Variants in DAB1 observed in about 807,000 individuals in gnomAD.
DAB1 encodes the protein disabled homolog 1.
A neutral mutation model predicts 64.6 loss-of-function variants in DAB1; 15 were observed. The ratio of observed to expected loss-of-function variants is 0.23; its 90% CI spans 0.16 to 0.36. DAB1 has a LOEUF of 0.36. DAB1 is among the 10% of genes least tolerant of loss of function. DAB1 has a pLI of 1.00. For missense variants in DAB1, 596 were observed against 706.7 expected, an observed-to-expected ratio of 0.84 and a Z score of 1.78; for synonymous variants, 235 against 251.9, an observed-to-expected ratio of 0.93 and a Z score of 0.64.
At chr1:57,751,378 A>C (rs1648542063) in intron 6 of DAB1, among the ~76,000 whole-genome samples, 1 of 152,094 alleles carries the variant, frequency 6.6e-6, no homozygotes, top group Non-Finnish European at 1.5e-5. Flanking sequence ...GCAGGTCCTG[A>C]GACACTGGTG....
chr1:58,251,900 A>C (rs1660808825), intron 4 of DAB1, among the ~76,000 whole-genome samples: 1 of 152,146 alleles, frequency 6.6e-6, no homozygotes, highest in Non-Finnish European at 1.5e-5. Context: ...GCTGAATAAA[A>C]GTCCCTTTCA....
At chr1:58,487,027 A>G (rs570018616) in intron 3 of DAB1, among the ~76,000 whole-genome samples, 67 of 152,340 alleles carry the variant, frequency 4.4e-4, no homozygotes, top group African/African-American at 5.1e-4. Flanking sequence ...AACCAAGGAA[A>G]GGACATTACA....
intron 1 of DAB1, among the ~76,000 whole-genome samples, chr1:57,368,449 C>T (rs555844008): frequency 6.6e-6 from 1 of 152,218 alleles, no homozygotes; most frequent in South Asian, 2.1e-4. Context: ...CAATTGGCAC[C>T]CACTTCTCTC....
intron 6 of DAB1, among the ~76,000 whole-genome samples, chr1:57,660,365 T>C (rs566802631): frequency 5.3e-5 from 8 of 152,314 alleles, no homozygotes; most frequent in African/African-American, 1.9e-4. Flanking sequence ...CACCAAGCTG[T>C]GTCTGATCAG....
intron 2 of DAB1, among the ~76,000 whole-genome samples, chr1:57,290,246 A>C (rs1039826117): frequency 6.6e-6 from 1 of 151,400 alleles, no homozygotes; most frequent in African/African-American, 2.4e-5. Context: ...GAGTCAGTTC[A>C]GGAAAAAAAA....
At chr1:58,454,651 C>T (rs1424443562) in intron 3 of DAB1, among the ~76,000 whole-genome samples, 2 of 152,166 alleles carry the variant, frequency 1.3e-5, no homozygotes, top group Non-Finnish European at 2.9e-5. Flanking sequence ...CTGCTCCCCA[C>T]CACCTGGGGA....
At chr1:57,773,895 G>A (rs1649676399) in intron 6 of DAB1, among the ~76,000 whole-genome samples, 1 of 151,972 alleles carries the variant, frequency 6.6e-6, no homozygotes, top group African/African-American at 2.4e-5. Flanking sequence ...CGTTGTTACT[G>A]TAGTTTTATG....
intron 7 of DAB1, among the ~76,000 whole-genome samples, chr1:57,513,347 C>T (rs931603836): frequency 6.6e-6 from 1 of 152,082 alleles, no homozygotes; most frequent in Admixed American, 6.5e-5. Context: ...GATGTCATTT[C>T]CTTAATGAGG....
At chr1:57,305,947 C>A (rs1437190524) in intron 1 of DAB1, among the ~76,000 whole-genome samples, 5 of 134,608 alleles carry the variant, frequency 3.7e-5, no homozygotes, top group African/African-American at 1.5e-4. Context: ...CCAGCCTGGG[C>A]GACAGAGCAA....
At chr1:57,845,970 G>A (rs1373757611) in intron 1 of DAB1, among the ~76,000 whole-genome samples, 1 of 152,078 alleles carries the variant, frequency 6.6e-6, no homozygotes, top group Non-Finnish European at 1.5e-5. Flanking sequence ...ATGGGCCTTT[G>A]CAAGGAAGGC....
intron 6 of DAB1, among the ~76,000 whole-genome samples, chr1:57,693,905 G>C (rs1646794278): frequency 6.6e-6 from 1 of 152,158 alleles, no homozygotes; most frequent in Non-Finnish European, 1.5e-5. Context: ...GACACACTAT[G>C]AGTGGTCTTT....
At chr1:58,517,996 G>A (rs1646184026) in intron 2 of DAB1, among the ~76,000 whole-genome samples, 1 of 151,316 alleles carries the variant, frequency 6.6e-6, no homozygotes, top group African/African-American at 2.4e-5. Flanking sequence ...AGACCAGCCT[G>A]CCCAACATGG....
chr1:58,397,685 G>A (rs537396746), intron 3 of DAB1, among the ~76,000 whole-genome samples: 20 of 152,186 alleles, frequency 1.3e-4, no homozygotes, highest in South Asian at 8.3e-4. Flanking sequence ...CCTTCTGCTG[G>A]GTGTCTGAAT....
chr1:57,145,194 A>G lies in DAB1; in HGVS notation c.207+96T>C, dbSNP rs1468928897. 4 of 1,260,624 alleles carry G rather than the reference A, an allele frequency of 3.2e-6. No homozygotes were observed. In the Admixed American group the frequency reaches 6.1e-5, roughly 19 times the overall value. The allele number at this position is 1,260,624 out of a possible 1,614,324, so 78.1% of individuals were successfully genotyped here. ...ACAGTAAGCCAAGTAATTTACCAAT[A>G]AATGAATAAAGTTATTTACAATTAT... On this transcript the variant is annotated intron_variant, in intron 3 of 14. Transcript: ENST00000371236.
intron 7 of DAB1, among the ~76,000 whole-genome samples, chr1:57,641,541 G>A (rs766527679): frequency 2.6e-5 from 4 of 151,684 alleles, no homozygotes; most frequent in African/African-American, 4.8e-5. Context: ...CCGCCACTAC[G>A]CCTGGCTAAT....
intron 1 of DAB1, among the ~76,000 whole-genome samples, chr1:57,411,387 T>C (rs1447045735): frequency 6.6e-6 from 1 of 152,228 alleles, no homozygotes; most frequent in Non-Finnish European, 1.5e-5. Flanking sequence ...TAACATTCAC[T>C]GACCTAAGAT....
chr1:57,442,391 C>T (rs1685989825), intron 7 of DAB1, among the ~76,000 whole-genome samples: 1 of 152,148 alleles, frequency 6.6e-6, no homozygotes, highest in African/African-American at 2.4e-5. Context: ...ATAACAAGCA[C>T]ACCATATTCC....
At position 57,424,056 on chromosome 1, in the gene DAB1, G is replaced by T. The variant is rs1272324387; in HGVS notation, c.-263C>A. The T allele has an allele frequency of 6.6e-6, 1 of 152,328 alleles. No individual in the cohort carries two copies. Among genetic ancestry groups the T allele is most frequent in the Non-Finnish European group, 1.5e-5 (1 of 67,852 alleles). The allele number at this position is 152,328 out of a possible 1,614,324, so 9.4% of individuals were successfully genotyped here. On this transcript the variant is annotated 5_prime_UTR_variant, in exon 1 of 15. Coordinates refer to ENST00000371236, the MANE Select transcript of DAB1 (RefSeq NM_001365792.1). ...GGAAGCCCGGGCGAGCGCCGAGCTGGGTCCATCCTCCCCGGGAGCCACCGG... is the reference window on the plus strand; with the variant it reads ...GGAAGCCCGGGCGAGCGCCGAGCTGTGTCCATCCTCCCCGGGAGCCACCGG...
chr1:58,308,712 G>T (rs1662361958), intron 4 of DAB1, among the ~76,000 whole-genome samples: 1 of 152,122 alleles, frequency 6.6e-6, no homozygotes, highest in Non-Finnish European at 1.5e-5. Context: ...CTGCTAGCTA[G>T]CTTGGACCAA....
Sources: gnomAD v4.1 joint callset for allele counts (sites outside exome capture counted in the v4.1 genomes callset) on GRCh38, gnomAD v4.1.1 for gene constraint, MANE v1.5 for transcripts, NCBI Gene and HGNC (gene_info 2026-07-23, HGNC 2026-07-21) for gene names.